RASA2: variants seen among roughly 807,000 people sequenced by gnomAD.
The protein encoded by RASA2 is RAS p21 protein activator 2.
In RASA2, 155 loss-of-function variants were observed where a neutral mutation model predicts 118.2. That is an observed-to-expected ratio of 1.31 (90% CI 1.15 to 1.50). The LOEUF (loss-of-function observed/expected upper bound fraction) is 1.50. Among genes scored for constraint, RASA2 ranks in the 40% most tolerant of loss-of-function variants. The pLI, the probability that RASA2 is intolerant of heterozygous loss-of-function variation, is 0.00. For synonymous variants in RASA2, 353 were observed against 349.1 expected, an observed-to-expected ratio of 1.01 and a Z score of -0.12; for missense variants, 1,016 against 1,009.6, an observed-to-expected ratio of 1.01 and a Z score of -0.09.
chr3:141,574,072 G>A lies in RASA2; in HGVS notation c.1483+5G>A, dbSNP rs1199874630. The stretch of plus-strand genomic sequence containing the variant: ...TGGCTACTCAGAGATTTCCTAGTAA[G>A]TGCCTTGTTTTACTAAAACATGCCA... On this transcript the variant is annotated splice_donor_5th_base_variant and intron_variant, in intron 14 of 23. Transcript: ENST00000286364. The A allele has an allele frequency of 1.4e-6, 2 of 1,456,222 alleles. No homozygotes were observed. The highest frequency in any genetic ancestry group is 2.1e-5 in the Admixed American group (1 of 47,038). 90.2% of individuals were successfully genotyped at this position (1,456,222 alleles called of 1,614,324 possible).
chr3:141,508,032 A>G (rs1389839117), intron 1 of RASA2, among the ~76,000 whole-genome samples: 2 of 152,176 alleles, frequency 1.3e-5, no homozygotes, highest in Non-Finnish European at 2.9e-5. Context: ...CGGGCTATAG[A>G]TAAGTTGAGA....
Position 141,558,901 on chromosome 3 carries a change from A to G in RASA2, c.700A>G (p.Ser234Gly). Residue 234 changes from serine to glycine, a missense_variant, in exon 8 of 24, where the codon AGT (serine) becomes GGT (glycine). By Grantham distance (56) the Ser-to-Gly change is moderately conservative. Transcript: ENST00000286364. ...IFYFEVTRSS[S>G]YTRKSQFQVE... Reference sequence around the variant, plus strand: ...TTGTTTACAGGTAACCAGATCCAGTAGTTACACCAGAAAGTCCCAGTTCCA... The same window carrying G: ...TTGTTTACAGGTAACCAGATCCAGTGGTTACACCAGAAAGTCCCAGTTCCA... 2.5e-6 allele frequency: 4 copies of G among 1,603,348 alleles called. No homozygotes were observed. The highest frequency in any genetic ancestry group is 3.4e-6 in the Non-Finnish European group (4 of 1,171,094).
chr3:141,573,448 T>A (rs1311964052), intron 13 of RASA2, among the ~76,000 whole-genome samples: 2 of 152,208 alleles, frequency 1.3e-5, no homozygotes, highest in African/African-American at 4.8e-5. Context: ...TTTTTGGCTC[T>A]AGTAACAATA....
At chr3:141,489,533 A>G (rs1013959165) in intron 1 of RASA2, among the ~76,000 whole-genome samples, 3 of 152,232 alleles carry the variant, frequency 2.0e-5, no homozygotes, top group Non-Finnish European at 2.9e-5. Flanking sequence ...ACCTTGGAAG[A>G]AAGCCTGATA....
At position 141,590,318 on chromosome 3, in the gene RASA2, A is replaced by G. The variant is rs190579882; in HGVS notation, c.1933+3566A>G. 5.9e-5 allele frequency among the ~76,000 whole-genome samples: 9 copies of G among 152,182 alleles called. No homozygotes were observed. The East Asian group carries it at 1.3e-3, about 23-fold the overall frequency. ...GGACTGCTGTGCTTTTTGTGTTCCT[A>G]TGTTCGCTTTATACAGTTTTTCTGT... On this transcript the variant is annotated intron_variant, in intron 19 of 23. Coordinates refer to ENST00000286364, the MANE Select transcript of RASA2 (RefSeq NM_006506.5).
intron 9 of RASA2, among the ~76,000 whole-genome samples, chr3:141,563,418 GC>G (rs1429128488): frequency 6.6e-6 from 1 of 151,822 alleles, no homozygotes. Flanking sequence ...GATCCTTCAG[GC>G]AGTTTATTAA....
At chr3:141,507,904 C>G (rs1200988440) in intron 1 of RASA2, among the ~76,000 whole-genome samples, 1 of 152,110 alleles carries the variant, frequency 6.6e-6, no homozygotes, top group African/African-American at 2.4e-5. Context: ...TTAACTTTCT[C>G]TTCTCTGCAG....
chr3:141,584,524 T>C (rs2083169214), intron 17 of RASA2, among the ~76,000 whole-genome samples: 1 of 152,054 alleles, frequency 6.6e-6, no homozygotes, highest in African/African-American at 2.4e-5. Flanking sequence ...TGATGGGAAG[T>C]TTATAAATGG....
chr3:141,559,587 T>C (rs2082700153), intron 8 of RASA2, among the ~76,000 whole-genome samples: 1 of 152,100 alleles, frequency 6.6e-6, no homozygotes, highest in Non-Finnish European at 1.5e-5. Flanking sequence ...ACTGTAGTCT[T>C]ATTGTAGTTT....
intron 19 of RASA2, among the ~76,000 whole-genome samples, chr3:141,605,460 A>G (rs1196892296): frequency 6.6e-6 from 1 of 152,180 alleles, no homozygotes; most frequent in African/African-American, 2.4e-5. Flanking sequence ...ATGACAGTAT[A>G]TGTGCCTGGG....
intron 4 of RASA2, among the ~76,000 whole-genome samples, chr3:141,534,449 T>G (rs1348140945): frequency 6.6e-6 from 1 of 152,166 alleles, no homozygotes; most frequent in African/African-American, 2.4e-5. Flanking sequence ...GGAGTTTGTC[T>G]CACACAACTT....
chr3:141,600,796 T>C (rs1220255567), intron 19 of RASA2, among the ~76,000 whole-genome samples: 2 of 152,130 alleles, frequency 1.3e-5, no homozygotes, highest in Admixed American at 1.3e-4. Context: ...AAAATAAAAA[T>C]GGACAAGTTG....
In RASA2 at chr3:141,545,907, G is replaced by A. The variant is rs75654847; in HGVS notation, c.527+5298G>A. 4.5e-3 allele frequency among the ~76,000 whole-genome samples: 677 copies of A among 152,130 alleles called. 4 individuals carry two copies. Among genetic ancestry groups the A allele is most frequent in the South Asian group, 0.023 (113 of 4,816 alleles). On this transcript the variant is annotated intron_variant, in intron 5 of 23. Coordinates refer to ENST00000286364, the MANE Select transcript of RASA2 (RefSeq NM_006506.5). ...ACTTTGTTCTACTCTCTGTTATCAT[G>A]AGTTCAATTGTTTGAGTTTTTAGCT...
chr3:141,584,835 T>C (rs1222923455), intron 17 of RASA2, among the ~76,000 whole-genome samples: 5 of 152,216 alleles, frequency 3.3e-5, no homozygotes, highest in Non-Finnish European at 5.9e-5. Flanking sequence ...TTTTGGATTT[T>C]GGATTTTTTT....
At chr3:141,515,018 A>G (rs1029254378) in intron 2 of RASA2, among the ~76,000 whole-genome samples, 6 of 152,134 alleles carry the variant, frequency 3.9e-5, no homozygotes, top group African/African-American at 1.4e-4. Context: ...GGAGAGGCAT[A>G]AGAGAACTTT....
At chr3:141,609,128 G>A (rs2083595899) in intron 21 of RASA2, among the ~76,000 whole-genome samples, 1 of 152,128 alleles carries the variant, frequency 6.6e-6, no homozygotes, top group Admixed American at 6.5e-5. Flanking sequence ...CTAATTGTAT[G>A]GAACAACCAT....
intron 1 of RASA2, among the ~76,000 whole-genome samples, chr3:141,511,550 G>A (rs2081950477): frequency 6.6e-6 from 1 of 152,086 alleles, no homozygotes; most frequent in Admixed American, 6.6e-5. Context: ...AAATCATGCT[G>A]CCAGGCCGGG....
At chr3:141,591,671 T>C (rs2083286670) in intron 19 of RASA2, among the ~76,000 whole-genome samples, 1 of 152,236 alleles carries the variant, frequency 6.6e-6, no homozygotes. Context: ...AGATATTGTC[T>C]ACTTTGGGGA....
At chr3:141,518,858 G>T (rs1375429194) in intron 3 of RASA2, among the ~76,000 whole-genome samples, 1 of 151,866 alleles carries the variant, frequency 6.6e-6, no homozygotes, top group Non-Finnish European at 1.5e-5. Context: ...ATTTTATTCA[G>T]ATTTTTTCCT....
Sources: gnomAD v4.1 joint callset for allele counts (sites outside exome capture counted in the v4.1 genomes callset) on GRCh38, gnomAD v4.1.1 for gene constraint, MANE v1.5 for transcripts, NCBI Gene and HGNC (gene_info 2026-07-23, HGNC 2026-07-21) for gene names.